PTPRD: variants seen among roughly 807,000 people sequenced by gnomAD.
PTPRD encodes the protein protein tyrosine phosphatase receptor type D, also known as receptor-type tyrosine-protein phosphatase delta.
Under a neutral mutation model 214.5 loss-of-function variants are expected in PTPRD, and 34 were observed. The ratio of observed to expected loss-of-function variants is 0.16; its 90% CI spans 0.12 to 0.21. The LOEUF is 0.21. PTPRD is among the 10% of genes least tolerant of loss of function. The pLI, the probability that PTPRD is intolerant of heterozygous loss-of-function variation, is 1.00. For missense variants in PTPRD, 2,545 were observed against 2,398.7 expected (o/e 1.06, Z -1.27); for synonymous variants, 1,128 against 845.7 (o/e 1.33, Z -5.79).
chr9:10,417,377 C>A (rs2098501764), intron 2 of PTPRD, among the ~76,000 whole-genome samples: 3 of 151,772 alleles, frequency 2.0e-5, no homozygotes, highest in Admixed American at 2.0e-4. Context: ...ATTCTTGAAA[C>A]CTCAAAATGA....
At chr9:9,966,035 T>G (rs2094672174) in intron 4 of PTPRD, among the ~76,000 whole-genome samples, 1 of 152,176 alleles carries the variant, frequency 6.6e-6, no homozygotes. Flanking sequence ...TGAGAGAGGC[T>G]TGGGACTGCA....
chr9:8,495,304 C>T (rs1591983455), intron 26 of PTPRD, among the ~76,000 whole-genome samples: 1 of 152,294 alleles, frequency 6.6e-6, no homozygotes, highest in South Asian at 2.1e-4. Context: ...CTATCTTTGA[C>T]CTCTTTCTCT....
At chr9:9,116,188 T>C (rs1200121457) in intron 10 of PTPRD, among the ~76,000 whole-genome samples, 2 of 152,100 alleles carry the variant, frequency 1.3e-5, no homozygotes, top group African/African-American at 2.4e-5. Context: ...AAACTGCTCA[T>C]GTACTCCCTG....
Position 8,507,295 on chromosome 9 carries a change from T to G in PTPRD, c.1677+6A>C. The G allele has an allele frequency of 6.2e-7, 1 of 1,613,534 alleles. No homozygotes were observed. Among genetic ancestry groups the G allele is most frequent in the Non-Finnish European group, 8.5e-7 (1 of 1,179,634 alleles). ...ATTCCCAAGGTGAGAAGCACTATAGTCTTACCTCCTCTCCATGCTCCCCAT... is the reference window on the plus strand; with the variant it reads ...ATTCCCAAGGTGAGAAGCACTATAGGCTTACCTCCTCTCCATGCTCCCCAT... On this transcript the variant is annotated splice_donor_region_variant and intron_variant, in intron 22 of 45. Transcript: ENST00000381196.
At chr9:9,572,565 A>G (rs1002023248) in intron 8 of PTPRD, among the ~76,000 whole-genome samples, 321 of 68,412 alleles carry the variant, frequency 4.7e-3, no homozygotes, top group African/African-American at 0.014. Context: ...ATATATGTAT[A>G]TATATATATA....
intron 3 of PTPRD, among the ~76,000 whole-genome samples, chr9:10,200,346 T>C (rs1432935351): frequency 1.3e-5 from 2 of 152,078 alleles, no homozygotes; most frequent in African/African-American, 4.8e-5. Flanking sequence ...AATTTGGTAA[T>C]ATGTGCAGAC....
At chr9:10,415,302 T>C (rs924663221) in intron 2 of PTPRD, among the ~76,000 whole-genome samples, 2 of 151,820 alleles carry the variant, frequency 1.3e-5, no homozygotes, top group Non-Finnish European at 2.9e-5. Context: ...CAAGAATGTC[T>C]TATACACACA....
intron 5 of PTPRD, among the ~76,000 whole-genome samples, chr9:9,793,290 C>T (rs998385882): frequency 4.6e-5 from 7 of 152,162 alleles, no homozygotes; most frequent in Non-Finnish European, 7.4e-5. Flanking sequence ...TAAAACGTGC[C>T]ATTTGATCCA....
intron 39 of PTPRD, among the ~76,000 whole-genome samples, chr9:8,370,197 C>CAT (rs1296507049): frequency 6.1e-4 from 58 of 95,582 alleles, no homozygotes; most frequent in African/African-American, 1.4e-3. Context: ...ATGCACTGCA[C>CAT]ATATATATAT....
chr9:8,810,735 G>A lies in PTPRD; in HGVS notation c.-103-76789C>T, dbSNP rs189365113. On this transcript the variant is annotated intron_variant, in intron 11 of 45. Coordinates refer to ENST00000381196, the MANE Select transcript of PTPRD (RefSeq NM_002839.4). Reference sequence around the variant, plus strand: ...ACCCTGAAAGTGGAGCCTGAGAAAAGGACTTGCAGTAGTTTTCTTCAGAAC... The same window carrying A: ...ACCCTGAAAGTGGAGCCTGAGAAAAAGACTTGCAGTAGTTTTCTTCAGAAC... Among the ~76,000 whole-genome samples, 761 of 152,300 alleles carry A rather than the reference G, an allele frequency of 5.0e-3. 2 individuals carry two copies. Among genetic ancestry groups the A allele is most frequent in the Non-Finnish European group, 9.0e-3 (609 of 68,028 alleles).
intron 3 of PTPRD, among the ~76,000 whole-genome samples, chr9:10,196,040 T>A (rs557010278): frequency 1.3e-5 from 2 of 152,266 alleles, no homozygotes; most frequent in African/African-American, 4.8e-5. Flanking sequence ...AAGAAAGAAC[T>A]CTACGGGGGA....
At chr9:10,352,275 C>G (rs187815981) in intron 2 of PTPRD, among the ~76,000 whole-genome samples, 126 of 152,104 alleles carry the variant, frequency 8.3e-4, no homozygotes, top group Non-Finnish European at 1.6e-3. Flanking sequence ...TTTAATTATA[C>G]AAACACTCCT....
chr9:9,455,528 G>C (rs901862650), intron 8 of PTPRD, among the ~76,000 whole-genome samples: 2 of 151,514 alleles, frequency 1.3e-5, no homozygotes, highest in African/African-American at 4.8e-5. Context: ...CTAAAAGTCT[G>C]GAGTTTACTT....
intron 14 of PTPRD, among the ~76,000 whole-genome samples, chr9:8,567,955 G>C (rs2089911181): frequency 6.6e-6 from 1 of 152,026 alleles, no homozygotes; most frequent in Admixed American, 6.6e-5. Context: ...TCATCACTAT[G>C]AATATATATT....
At chr9:9,963,461 G>T (rs1024377254) in intron 4 of PTPRD, among the ~76,000 whole-genome samples, 3 of 152,088 alleles carry the variant, frequency 2.0e-5, no homozygotes, top group Non-Finnish European at 4.4e-5. Context: ...AATTTTCTAT[G>T]TTGGATGTTT....
intron 11 of PTPRD, among the ~76,000 whole-genome samples, chr9:8,756,047 A>C (rs1001585609): frequency 1.3e-5 from 2 of 152,236 alleles, no homozygotes; most frequent in Admixed American, 1.3e-4. Context: ...ATACTGGTAG[A>C]GGAAAAGATA....
intron 12 of PTPRD, among the ~76,000 whole-genome samples, chr9:8,728,853 GC>G (rs2098620675): frequency 6.6e-6 from 1 of 151,966 alleles, no homozygotes; most frequent in Non-Finnish European, 1.5e-5. Flanking sequence ...GGTGGCAGGG[GC>G]CTGTAATCCC....
At chr9:9,114,709 GA>G (rs1368037485) in intron 10 of PTPRD, among the ~76,000 whole-genome samples, 4 of 151,924 alleles carry the variant, frequency 2.6e-5, no homozygotes, top group Non-Finnish European at 4.4e-5. Flanking sequence ...AAAAAATAAG[GA>G]AAAAAATCAA....
intron 2 of PTPRD, among the ~76,000 whole-genome samples, chr9:10,564,171 C>CTTTTTTT (rs71332760): frequency 0.011 from 331 of 29,386 alleles, 90 homozygotes; most frequent in African/African-American, 0.04. Flanking sequence ...CTAGGCTATT[C>CTTTTTTT]TTTTTTTTTT....
Sources: allele counts gnomAD v4.1 joint callset (sites outside exome capture counted in the v4.1 genomes callset), GRCh38; gene constraint gnomAD v4.1.1; transcripts MANE v1.5; gene names NCBI Gene and HGNC (gene_info 2026-07-23, HGNC 2026-07-21).